Variants in BNC2 observed in about 807,000 individuals in gnomAD.
The protein encoded by BNC2 is zinc finger protein basonuclin-2.
A neutral mutation model predicts 76.3 loss-of-function variants in BNC2; 20 were observed. The ratio of observed to expected loss-of-function variants is 0.26; its 90% CI spans 0.18 to 0.38. The LOEUF (loss-of-function observed/expected upper bound fraction) is 0.38, where lower values mean the gene tolerates loss of function less well. Ranked by LOEUF, BNC2 falls within the 10% of genes least tolerant of loss-of-function variation. The pLI, the probability that BNC2 is intolerant of heterozygous loss-of-function variation, is 1.00. For missense variants in BNC2, 1,382 were observed against 1,399.8 expected (o/e 0.99, Z 0.20); for synonymous variants, 582 against 514.8 (o/e 1.13, Z -1.77).
At chr9:16,696,282 T>G (rs1248798506) in intron 3 of BNC2, among the ~76,000 whole-genome samples, 1 of 152,206 alleles carries the variant, frequency 6.6e-6, no homozygotes, top group Non-Finnish European at 1.5e-5. Flanking sequence ...AACCTGCCTT[T>G]CCAGCTTTAT....
intron 3 of BNC2, among the ~76,000 whole-genome samples, chr9:16,601,659 G>T (rs1398150696): frequency 6.6e-6 from 1 of 151,622 alleles, no homozygotes; most frequent in African/African-American, 2.4e-5. Flanking sequence ...AGGGAGGGCA[G>T]GGTCTGGGTA....
Position 16,411,584 on chromosome 9 carries a change from T to C in BNC2, c.*7405A>G, listed in dbSNP as rs1227117009. On this transcript the variant is annotated 3_prime_UTR_variant, in exon 7 of 7. Transcript: ENST00000380672. Reference sequence around the variant, plus strand: ...CTGATAAACGATTGTAACATATACATACTGAGGAACTTAAGAAGTATCATG... The same window carrying C: ...CTGATAAACGATTGTAACATATACACACTGAGGAACTTAAGAAGTATCATG... 6.6e-6 allele frequency: 1 copy of C among 152,614 alleles called. No homozygotes were observed. Among genetic ancestry groups the C allele is most frequent in the African/African-American group, 2.4e-5 (1 of 41,448 alleles). The allele number at this position is 152,614 out of a possible 1,614,324, so 9.5% of individuals were successfully genotyped here.
intron 6 of BNC2, among the ~76,000 whole-genome samples, chr9:16,423,250 T>C (rs1820743045): frequency 6.6e-6 from 1 of 152,178 alleles, no homozygotes; most frequent in Admixed American, 6.5e-5. Flanking sequence ...AACAAATATC[T>C]AAGACTGTAT....
At chr9:16,537,743 A>T (rs1268579450) in intron 5 of BNC2, among the ~76,000 whole-genome samples, 1 of 152,180 alleles carries the variant, frequency 6.6e-6, no homozygotes, top group Non-Finnish European at 1.5e-5. Flanking sequence ...AAATCTAAAA[A>T]GTTTGTGAAA....
chr9:16,534,524 A>G (rs563684540), intron 5 of BNC2, among the ~76,000 whole-genome samples: 1 of 152,124 alleles, frequency 6.6e-6, no homozygotes, highest in Non-Finnish European at 1.5e-5. Context: ...ATGTACCCTG[A>G]TCTTAATTTA....
At chr9:16,683,482 G>A (rs1040238954) in intron 3 of BNC2, among the ~76,000 whole-genome samples, 1 of 152,160 alleles carries the variant, frequency 6.6e-6, no homozygotes, top group South Asian at 2.1e-4. Context: ...ATAATGCCTA[G>A]CCCTGGGGCA....
intron 3 of BNC2, among the ~76,000 whole-genome samples, chr9:16,676,957 A>C (rs538452718): frequency 1.3e-5 from 2 of 152,354 alleles, no homozygotes; most frequent in Admixed American, 6.5e-5. Context: ...ATAAAAAGAA[A>C]AACATAGTTA....
At chr9:16,665,442 G>C (rs1822253078) in intron 3 of BNC2, among the ~76,000 whole-genome samples, 1 of 83,244 alleles carries the variant, frequency 1.2e-5, no homozygotes, top group African/African-American at 5.1e-5. Flanking sequence ...AGAAAAGAAA[G>C]AAAGAAAGAA....
chr9:16,575,946 A>G (rs1819472602), intron 4 of BNC2, among the ~76,000 whole-genome samples: 1 of 152,218 alleles, frequency 6.6e-6, no homozygotes, highest in South Asian at 2.1e-4. Flanking sequence ...TTCTTTAAGC[A>G]GATACTGCAC....
intron 5 of BNC2, among the ~76,000 whole-genome samples, chr9:16,509,597 G>C (rs1822707478): frequency 6.6e-6 from 1 of 152,188 alleles, no homozygotes; most frequent in Non-Finnish European, 1.5e-5. Context: ...AGTTTAAACT[G>C]AGAGTAAGTC....
chr9:16,862,667 T>C (rs1489046035), intron 1 of BNC2, among the ~76,000 whole-genome samples: 1 of 152,178 alleles, frequency 6.6e-6, no homozygotes, highest in Admixed American at 6.5e-5. Flanking sequence ...TCTCTTTAAT[T>C]ACCACACAGC....
At chr9:16,859,728 T>C (rs1239219908) in intron 1 of BNC2, among the ~76,000 whole-genome samples, 1 of 152,226 alleles carries the variant, frequency 6.6e-6, no homozygotes, top group Non-Finnish European at 1.5e-5. Context: ...GGAGTTGTTA[T>C]TCAAAGGTTA....
intron 1 of BNC2, among the ~76,000 whole-genome samples, chr9:16,841,168 C>T (rs1157510585): frequency 6.6e-6 from 1 of 152,260 alleles, no homozygotes; most frequent in Non-Finnish European, 1.5e-5. Context: ...AGATATCCAC[C>T]GTTTTAATGA....
chr9:16,760,600 G>A (rs1005151848), intron 1 of BNC2, among the ~76,000 whole-genome samples: 4 of 152,136 alleles, frequency 2.6e-5, no homozygotes, highest in African/African-American at 9.7e-5. Context: ...AGTAATCTGC[G>A]TTAAGTCCAT....
intron 4 of BNC2, among the ~76,000 whole-genome samples, chr9:16,571,331 T>C (rs927945166): frequency 4.6e-5 from 7 of 152,128 alleles, no homozygotes; most frequent in Non-Finnish European, 8.8e-5. Flanking sequence ...TGTAGCAAGA[T>C]TTTGTAAGAG....
chr9:16,667,581 T>C (rs1400632970), intron 3 of BNC2, among the ~76,000 whole-genome samples: 2 of 152,200 alleles, frequency 1.3e-5, no homozygotes, highest in African/African-American at 4.8e-5. Context: ...CAACTTCTTC[T>C]TGACATAATT....
At chr9:16,588,267 T>C (rs932381842) in intron 3 of BNC2, among the ~76,000 whole-genome samples, 1 of 152,356 alleles carries the variant, frequency 6.6e-6, no homozygotes, top group Non-Finnish European at 1.5e-5. Context: ...TACATTTAAA[T>C]GATTGTTTTC....
At chr9:16,797,362 T>C (rs2253579) in intron 1 of BNC2, among the ~76,000 whole-genome samples, 124,528 of 152,058 alleles carry the variant, frequency 0.82, 52,031 homozygotes, top group Non-Finnish European at 0.92. Flanking sequence ...AATGAGCTCC[T>C]CTGTACTATA....
chr9:16,515,302 C>T (rs976870058), intron 5 of BNC2, among the ~76,000 whole-genome samples: 6 of 152,308 alleles, frequency 3.9e-5, no homozygotes, highest in East Asian at 3.9e-4. Flanking sequence ...TCCCTGCGCC[C>T]GGTGAGAAGA....
Sources: gnomAD v4.1 joint callset for allele counts (sites outside exome capture counted in the v4.1 genomes callset) on GRCh38, gnomAD v4.1.1 for gene constraint, MANE v1.5 for transcripts, NCBI Gene and HGNC (gene_info 2026-07-23, HGNC 2026-07-21) for gene names.